The following CDH18 variants were observed in gnomAD, a reference collection of about 807,000 sequenced individuals.
The protein encoded by CDH18 is cadherin 18.
CDH18 carries 31 observed loss-of-function variants against 67.9 expected under a neutral mutation model. That is an observed-to-expected ratio of 0.46 (90% CI 0.34 to 0.62). The LOEUF (loss-of-function observed/expected upper bound fraction) is 0.62. Among genes scored for constraint, CDH18 ranks in the 20% least tolerant of loss-of-function variants. CDH18 has a pLI of 0.01. For synonymous variants in CDH18, 362 were observed against 347.2 expected (o/e 1.04, Z -0.48); for missense variants, 890 against 975.5 (o/e 0.91, Z 1.17).
At chr5:19,507,699 G>T (rs181636696) in intron 10 of CDH18, among the ~76,000 whole-genome samples, 2 of 152,218 alleles carry the variant, frequency 1.3e-5, no homozygotes, top group African/African-American at 4.8e-5. Context: ...GGTTGGAATT[G>T]AACAATGAGA....
At chr5:20,467,307 A>G (rs1005513904) in intron 1 of CDH18, among the ~76,000 whole-genome samples, 11 of 149,500 alleles carry the variant, frequency 7.4e-5, no homozygotes, top group Admixed American at 1.3e-4. Context: ...AGTCAATTAT[A>G]TATATAAAAA....
chr5:19,918,136 A>T (rs62352222), intron 2 of CDH18, among the ~76,000 whole-genome samples: 7,072 of 152,242 alleles, frequency 0.046, 229 homozygotes, highest in East Asian at 0.13. Flanking sequence ...TGCACTGATC[A>T]ACACTTATGT....
intron 2 of CDH18, among the ~76,000 whole-genome samples, chr5:19,906,287 T>C (rs1209361794): frequency 6.6e-6 from 1 of 151,950 alleles, no homozygotes; most frequent in Admixed American, 6.6e-5. Context: ...AAACACCTTC[T>C]ACCCCAGATC....
rs1210334315 is a variant in CDH18 at position 20,371,610 on chromosome 5, AAAGT to A, written c.-579-116109_-579-116106del. On this transcript the variant is annotated intron_variant, in intron 1 of 14. Coordinates refer to the CDH18 transcript ENST00000507958. Reference sequence around the variant, plus strand: ...TGCAATGGGAAGCAAAGAAAGAAAAAAAGTAACTAAAGGATGTCGGGAGTATATC... The same window carrying A: ...TGCAATGGGAAGCAAAGAAAGAAAAAAACTAAAGGATGTCGGGAGTATATC... 2.0e-5 allele frequency among the ~76,000 whole-genome samples: 3 copies of A among 152,334 alleles called. No individual in the cohort carries two copies. In the East Asian group the frequency reaches 5.8e-4, roughly 29 times the overall value.
intron 7 of CDH18, among the ~76,000 whole-genome samples, chr5:19,588,932 C>A (rs1259343537): frequency 6.6e-6 from 1 of 152,048 alleles, no homozygotes; most frequent in Non-Finnish European, 1.5e-5. Flanking sequence ...GACTTAGACT[C>A]CCACACAATA....
At chr5:20,390,749 A>G (rs1308063225) in intron 1 of CDH18, among the ~76,000 whole-genome samples, 1 of 152,206 alleles carries the variant, frequency 6.6e-6, no homozygotes, top group Non-Finnish European at 1.5e-5. Context: ...AATGTCCATC[A>G]ATGATAGACT....
At chr5:19,931,496 C>A (rs1265987011) in intron 2 of CDH18, among the ~76,000 whole-genome samples, 1 of 151,796 alleles carries the variant, frequency 6.6e-6, no homozygotes, top group African/African-American at 2.4e-5. Context: ...GCTGTTACTA[C>A]CTAATAAAAA....
At chr5:20,530,051 A>G (rs919481368) in intron 1 of CDH18, among the ~76,000 whole-genome samples, 11 of 152,078 alleles carry the variant, frequency 7.2e-5, no homozygotes, top group Admixed American at 3.9e-4. Flanking sequence ...CTCAGGAGAC[A>G]AAATCAATGT....
In CDH18 at chr5:19,851,431, AAACAAACCC is replaced by A. The variant is rs1398319801; in HGVS notation, c.-256-12198_-256-12190del. ...AATATAAAAAGAAAAGCCAAAAAAAAAACAAACCCAAAAAACCCAAAATTCCCTTCTTCC... is the reference window on the plus strand; with the variant it reads ...AATATAAAAAGAAAAGCCAAAAAAAAAAAAAACCCAAAATTCCCTTCTTCC... On this transcript the variant is annotated intron_variant, in intron 2 of 12. Coordinates refer to ENST00000382275, the MANE Select transcript of CDH18 (RefSeq NM_004934.5). 2.7e-5 allele frequency among the ~76,000 whole-genome samples: 4 copies of A among 149,980 alleles called. No homozygotes were observed. In the East Asian group the frequency reaches 7.8e-4, roughly 29 times the overall value.
At position 19,669,250 on chromosome 5, in the gene CDH18, T is replaced by C. The variant is rs532576294; in HGVS notation, c.643+52097A>G. ...ATGTTTAACTATATGATATATATTATATATAAAATATTATATTATATATTA... is the reference window on the plus strand; with the variant it reads ...ATGTTTAACTATATGATATATATTACATATAAAATATTATATTATATATTA... On this transcript the variant is annotated intron_variant, in intron 5 of 12. Coordinates refer to ENST00000382275, the MANE Select transcript of CDH18 (RefSeq NM_004934.5). 3.8e-3 allele frequency among the ~76,000 whole-genome samples: 556 copies of C among 146,212 alleles called. 2 individuals are homozygous for C. Among genetic ancestry groups the C allele is most frequent in the African/African-American group, 0.014 (540 of 39,768 alleles).
chr5:20,371,384 A>T (rs1157753247), intron 1 of CDH18, among the ~76,000 whole-genome samples: 1 of 152,206 alleles, frequency 6.6e-6, no homozygotes, highest in Non-Finnish European at 1.5e-5. Flanking sequence ...TGAACATGGA[A>T]ATCAGACAAT....
At chr5:19,593,313 C>G (rs1288396496) in intron 6 of CDH18, among the ~76,000 whole-genome samples, 1 of 152,076 alleles carries the variant, frequency 6.6e-6, no homozygotes, top group African/African-American at 2.4e-5. Context: ...GTCTTCACAT[C>G]CTCAACAATA....
chr5:19,505,304 T>A (rs894017031), intron 10 of CDH18, among the ~76,000 whole-genome samples: 6 of 152,116 alleles, frequency 3.9e-5, no homozygotes, highest in Non-Finnish European at 8.8e-5. Context: ...TTGAATACCC[T>A]TTATTTCCTT....
intron 5 of CDH18, among the ~76,000 whole-genome samples, chr5:19,664,751 C>T (rs758988744): frequency 2.0e-5 from 3 of 151,916 alleles, no homozygotes; most frequent in Non-Finnish European, 2.9e-5. Flanking sequence ...CCCCTCACTG[C>T]ATTAAATCAG....
chr5:20,198,162 T>C (rs755619635), intron 2 of CDH18, among the ~76,000 whole-genome samples: 41 of 152,130 alleles, frequency 2.7e-4, no homozygotes, highest in Non-Finnish European at 5.0e-4. Flanking sequence ...TGTTACTGAG[T>C]AATGGGGCAC....
chr5:19,979,691 A>C (rs914872872), intron 2 of CDH18, among the ~76,000 whole-genome samples: 2 of 152,226 alleles, frequency 1.3e-5, no homozygotes, highest in East Asian at 3.9e-4. Context: ...TAAATGTAAT[A>C]GAAGATAAAA....
intron 2 of CDH18, among the ~76,000 whole-genome samples, chr5:20,153,898 G>A (rs1751324897): frequency 6.6e-6 from 1 of 152,156 alleles, no homozygotes; most frequent in East Asian, 1.9e-4. Flanking sequence ...ACTGGAATTG[G>A]TGGTAGGAGG....
intron 2 of CDH18, among the ~76,000 whole-genome samples, chr5:20,125,261 A>G (rs184696513): frequency 1.0e-3 from 152 of 151,510 alleles, no homozygotes; most frequent in African/African-American, 3.6e-3. Context: ...CTAAGAGTGA[A>G]GTATTGGCTC....
At chr5:20,065,516 C>T (rs1200492467) in intron 2 of CDH18, among the ~76,000 whole-genome samples, 3 of 151,796 alleles carry the variant, frequency 2.0e-5, no homozygotes, top group East Asian at 1.9e-4. Context: ...TGAAGTTATT[C>T]CCCAATAAAC....
Sources: allele counts gnomAD v4.1 joint callset (sites outside exome capture counted in the v4.1 genomes callset), GRCh38; gene constraint gnomAD v4.1.1; transcripts MANE v1.5; gene names NCBI Gene and HGNC (gene_info 2026-07-23, HGNC 2026-07-21).